The following MAP3K5 variants were observed in gnomAD, a reference collection of about 807,000 sequenced individuals.
The protein encoded by MAP3K5 is ASK-1.
A neutral mutation model predicts 158.7 loss-of-function variants in MAP3K5; 56 were observed. That is an observed-to-expected ratio of 0.35 (90% CI 0.28 to 0.44). The LOEUF (loss-of-function observed/expected upper bound fraction) is 0.44. MAP3K5 is among the 20% of genes least tolerant of loss of function. MAP3K5 has a pLI of 1.00. For synonymous variants in MAP3K5, 579 were observed against 601.7 expected (o/e 0.96, Z 0.55); for missense variants, 1,294 against 1,674.8 (o/e 0.77, Z 3.97).
chr6:136,713,968 C>T (rs1781418401), intron 2 of MAP3K5, among the ~76,000 whole-genome samples: 1 of 152,128 alleles, frequency 6.6e-6, no homozygotes. Flanking sequence ...CTTTGTACCA[C>T]TAACAAGTTG....
intron 11 of MAP3K5, among the ~76,000 whole-genome samples, chr6:136,645,817 T>C (rs931738732): frequency 1.3e-5 from 2 of 152,002 alleles, no homozygotes; most frequent in African/African-American, 4.8e-5. Context: ...TTATTCCATA[T>C]GTTAGAATAA....
intron 14 of MAP3K5, chr6:136,636,743 G>A: frequency 2.5e-6 from 2 of 798,340 alleles, no homozygotes; most frequent in South Asian, 5.7e-5. Context: ...AGGAATTCAA[G>A]ACCAGTCTGG....
chr6:136,714,140 G>A (rs773458469), intron 2 of MAP3K5, among the ~76,000 whole-genome samples: 1 of 152,088 alleles, frequency 6.6e-6, no homozygotes, highest in Non-Finnish European at 1.5e-5. Flanking sequence ...TTAACAAAAG[G>A]AAGTACTGTT....
At chr6:136,567,569 AAC>A (rs1331832522) in intron 26 of MAP3K5, 60 bp downstream of exon 26, 1 of 1,515,630 alleles carries the variant, frequency 6.6e-7, no homozygotes, top group African/African-American at 1.4e-5. Context: ...GTAGACCAAA[AAC>A]ACATGCTCTT....
At chr6:136,660,299 C>T (rs547531090) in intron 8 of MAP3K5, among the ~76,000 whole-genome samples, 2 of 152,042 alleles carry the variant, frequency 1.3e-5, no homozygotes, top group African/African-American at 4.8e-5. Flanking sequence ...CACCTGTAAC[C>T]CCAGCACTTC....
At chr6:136,700,416 A>G (rs1780801921) in intron 3 of MAP3K5, among the ~76,000 whole-genome samples, 1 of 152,168 alleles carries the variant, frequency 6.6e-6, no homozygotes, top group African/African-American at 2.4e-5. Flanking sequence ...AAGGCATCAA[A>G]GGCAATTCTG....
intron 23 of MAP3K5, among the ~76,000 whole-genome samples, chr6:136,591,503 A>G (rs534651303): frequency 6.6e-6 from 1 of 152,352 alleles, no homozygotes; most frequent in South Asian, 2.1e-4. Context: ...TCAATGTAGA[A>G]TATTAGAAGT....
intron 9 of MAP3K5, among the ~76,000 whole-genome samples, chr6:136,658,308 TCTTTC>T (rs796789845): frequency 1.5e-4 from 18 of 117,288 alleles, no homozygotes; most frequent in South Asian, 4.9e-4. Flanking sequence ...TTTCTTTCTT[TCTTTC>T]TTTTTTTTTT....
At chr6:136,646,844 G>A (rs1226615115) in intron 11 of MAP3K5, among the ~76,000 whole-genome samples, 3 of 152,070 alleles carry the variant, frequency 2.0e-5, no homozygotes, top group Non-Finnish European at 4.4e-5. Flanking sequence ...CAGTTATATT[G>A]ATTATTCCCA....
At chr6:136,663,850 T>C (rs920695316) in intron 8 of MAP3K5, among the ~76,000 whole-genome samples, 1 of 152,064 alleles carries the variant, frequency 6.6e-6, no homozygotes, top group African/African-American at 2.4e-5. Flanking sequence ...TGACCTCAAG[T>C]GAGGCCCACC....
chr6:136,587,505 T>C (rs995770483), intron 23 of MAP3K5, among the ~76,000 whole-genome samples: 18 of 152,316 alleles, frequency 1.2e-4, no homozygotes, highest in South Asian at 8.3e-4. Context: ...TTGCCCAAAT[T>C]GCACAGCCTT....
At chr6:136,731,056 G>A (rs1782203004) in intron 1 of MAP3K5, among the ~76,000 whole-genome samples, 4 of 152,200 alleles carry the variant, frequency 2.6e-5, no homozygotes, top group Non-Finnish European at 5.9e-5. Flanking sequence ...GAGGAATCCA[G>A]ATACAAAGGA....
At chr6:136,645,138 G>A (rs545527823) in intron 11 of MAP3K5, among the ~76,000 whole-genome samples, 20 of 152,124 alleles carry the variant, frequency 1.3e-4, no homozygotes, top group Non-Finnish European at 2.9e-4. Context: ...TTGCTACATT[G>A]CTCAGGCTGG....
chr6:136,755,539 T>C (rs1437255984), intron 1 of MAP3K5, among the ~76,000 whole-genome samples: 1 of 151,866 alleles, frequency 6.6e-6, no homozygotes, highest in East Asian at 1.9e-4. Flanking sequence ...AGACTCCGAC[T>C]CTTCAAAAAA....
At chr6:136,667,341 T>G (rs1038736750) in intron 8 of MAP3K5, among the ~76,000 whole-genome samples, 2 of 152,332 alleles carry the variant, frequency 1.3e-5, no homozygotes, top group Admixed American at 1.3e-4. Flanking sequence ...TAATTTAGTC[T>G]TAGACACAAA....
chr6:136,769,145 C>T (rs1228773683), intron 1 of MAP3K5, among the ~76,000 whole-genome samples: 1 of 152,128 alleles, frequency 6.6e-6, no homozygotes, highest in Admixed American at 6.5e-5. Flanking sequence ...TGTTCAAGCA[C>T]CATACAACAG....
chr6:136,719,515 A>G lies in MAP3K5; in HGVS notation c.588+935T>C, dbSNP rs1053255391. Among the ~76,000 whole-genome samples the G allele has an allele frequency of 5.3e-5, 8 of 152,232 alleles. No homozygotes were observed. The East Asian group carries it at 1.5e-3, about 29-fold the overall frequency. On this transcript the variant is annotated intron_variant, in intron 2 of 29. Transcript: ENST00000359015. Reference sequence around the variant, plus strand: ...ACCAGCACAATGCCTGGCATGTAGTAGGTATGTTTGCTCAATGAAGTTCTG... The same window carrying G: ...ACCAGCACAATGCCTGGCATGTAGTGGGTATGTTTGCTCAATGAAGTTCTG...
At chr6:136,585,548 G>A (rs958067365) in intron 23 of MAP3K5, among the ~76,000 whole-genome samples, 5 of 149,984 alleles carry the variant, frequency 3.3e-5, no homozygotes, top group Non-Finnish European at 5.9e-5. Context: ...CACCCAGGCT[G>A]GAGTGCAGTG....
chr6:136,594,634 A>G (rs1177263082), intron 21 of MAP3K5, among the ~76,000 whole-genome samples: 1 of 152,160 alleles, frequency 6.6e-6, no homozygotes, highest in Non-Finnish European at 1.5e-5. Flanking sequence ...AGACTTGGTG[A>G]GTTTCTTCAC....
Sources: allele counts gnomAD v4.1 joint callset (sites outside exome capture counted in the v4.1 genomes callset), GRCh38; gene constraint gnomAD v4.1.1; transcripts MANE v1.5; gene names NCBI Gene and HGNC (gene_info 2026-07-23, HGNC 2026-07-21).